VSTM2B: variants seen among roughly 807,000 people sequenced by gnomAD.
VSTM2B encodes the protein V-set and transmembrane domain containing 2B, also known as V-set and transmembrane domain-containing protein 2B.
In VSTM2B, 24 loss-of-function variants were observed where a neutral mutation model predicts 24.0. That is an observed-to-expected ratio of 1.00 (90% CI 0.72 to 1.40). The LOEUF (loss-of-function observed/expected upper bound fraction) is 1.40. Among genes scored for constraint, VSTM2B ranks in the 40% most tolerant of loss-of-function variants. The pLI, the probability that VSTM2B is intolerant of heterozygous loss-of-function variation, is 0.00. For missense variants in VSTM2B, 399 were observed against 416.4 expected (o/e 0.96, Z 0.36); for synonymous variants, 226 against 194.4 (o/e 1.16, Z -1.35).
At chr19:29,548,901 A>G (rs2145497148) in intron 4 of VSTM2B, among the ~76,000 whole-genome samples, 2 of 152,302 alleles carry the variant, frequency 1.3e-5, no homozygotes, top group East Asian at 3.9e-4. Context: ...GCTGAGCAAA[A>G]GGGGCCCAAC....
At chr19:29,530,438 C>A in intron 4 of VSTM2B, 148 bp downstream of exon 4, 1 of 641,046 alleles carries the variant, frequency 1.6e-6, no homozygotes, top group Non-Finnish European at 2.4e-6. Flanking sequence ...CGGGAGCGCC[C>A]CCCCCAGGGC....
At chr19:29,546,227 G>A (rs575577488) in intron 4 of VSTM2B, among the ~76,000 whole-genome samples, 22 of 152,204 alleles carry the variant, frequency 1.4e-4, no homozygotes, top group Non-Finnish European at 2.9e-4. Context: ...AGGAGAGCCT[G>A]GGTGCATGCA....
rs541679650 is a variant in VSTM2B, at chr19:29,546,532, C to T, written c.769+16242C>T. On this transcript the variant is annotated intron_variant, in intron 4 of 4. Transcript: ENST00000335523. ...AAAATTCTCTTGCAGGGGCCGAGTG[C>T]AGCTGCTGGCACTGAGAATTGTGTG... Among the ~76,000 whole-genome samples the T allele has an allele frequency of 2.6e-5, 4 of 152,356 alleles. No individual in the cohort carries two copies. In the East Asian group the frequency reaches 7.7e-4, roughly 29 times the overall value.
intron 4 of VSTM2B, among the ~76,000 whole-genome samples, chr19:29,533,326 G>C (rs1438106837): frequency 1.3e-5 from 2 of 152,164 alleles, no homozygotes; most frequent in Non-Finnish European, 2.9e-5. Context: ...GATCCCAGCG[G>C]GGCTGACAGC....
intron 2 of VSTM2B, among the ~76,000 whole-genome samples, chr19:29,527,950 A>G (rs780128611): frequency 1.3e-5 from 2 of 151,878 alleles, no homozygotes; most frequent in Non-Finnish European, 2.9e-5. Context: ...TCGCGTGCAC[A>G]CACACCTACA....
At position 29,526,780 on chromosome 19, in the gene VSTM2B, C is replaced by A; in HGVS notation, c.82+115C>A. 1 of 1,002,240 alleles carries A rather than the reference C, an allele frequency of 1.0e-6. No homozygotes were observed. The highest frequency in any genetic ancestry group is 1.4e-6 in the Non-Finnish European group (1 of 692,984). 62.1% of individuals were successfully genotyped at this position (1,002,240 alleles called of 1,614,324 possible). ...GAAGCTTCGCGGTCTCCAGCAATCC[C>A]GCTGTGCAGCCTGGGCCCGGAGGGG... is the stretch of plus-strand genomic sequence containing the variant. On this transcript the variant is annotated intron_variant, in intron 1 of 4. Transcript: ENST00000335523. The surrounding 1 kb of genome is among the most constrained non-coding windows in gnomAD (Gnocchi z 4.1).
chr19:29,544,525 C>CAAA lies in VSTM2B; in HGVS notation c.769+14264_769+14266dup, dbSNP rs58540469. On this transcript the variant is annotated intron_variant, in intron 4 of 4. Transcript: ENST00000335523. The stretch of plus-strand genomic sequence containing the variant: ...TGGGCGAAAGAGCGAGACTCTGTCT[C>CAAA]AAAAAAAAAAAAAAAAAAAAAAAAA... 3.2e-3 allele frequency among the ~76,000 whole-genome samples: 174 copies of CAAA among 54,370 alleles called. 16 individuals carry two copies. The highest frequency in any genetic ancestry group is 0.027 in the East Asian group (37 of 1,352). 35.7% of individuals were successfully genotyped at this position (54,370 alleles called of 152,430 possible). A position where few individuals can be genotyped will look rare whatever the true frequency, so the allele number is the denominator to read the frequency against.
Position 29,526,872 on chromosome 19 carries a change from G to T in VSTM2B, c.82+207G>T. ...CCGCGCCCGAGTCGTTCCCAGTCCC[G>T]CCGGGGCCCCGGCTGCGGAAAGGAT... On this transcript the variant is annotated intron_variant, in intron 1 of 4. Coordinates refer to ENST00000335523, the MANE Select transcript of VSTM2B (RefSeq NM_001146339.2). The surrounding 1 kb of genome is among the most constrained non-coding windows in gnomAD (Gnocchi z 4.1). 1 of 502,860 alleles carries T rather than the reference G, an allele frequency of 2.0e-6. No individual in the cohort carries two copies. Among genetic ancestry groups the T allele is most frequent in the Non-Finnish European group, 3.4e-6 (1 of 294,166 alleles). 31.1% of individuals were successfully genotyped at this position (502,860 alleles called of 1,614,324 possible).
At position 29,528,428 on chromosome 19, in the gene VSTM2B, T is replaced by C; in HGVS notation, c.268-5T>C. The C allele has an allele frequency of 6.4e-7, 1 of 1,551,226 alleles. No individual in the cohort carries two copies. Among genetic ancestry groups the C allele is most frequent in the African/African-American group, 1.4e-5 (1 of 73,194 alleles). On this transcript the variant is annotated splice_region_variant and splice_polypyrimidine_tract_variant and intron_variant, in intron 2 of 4. Transcript: ENST00000335523. ...CACGTCTCTCTCTCCCTCTTTGCAT[T>C]TTAGGTAACAAATAAGGATGCAACT...
intron 4 of VSTM2B, among the ~76,000 whole-genome samples, chr19:29,553,325 A>T (rs1274413125): frequency 6.6e-6 from 1 of 152,184 alleles, no homozygotes; most frequent in African/African-American, 2.4e-5. Context: ...TAGGGTCTGG[A>T]GTGGACCCCC....
At chr19:29,558,061 A>G (rs930331589) in intron 4 of VSTM2B, among the ~76,000 whole-genome samples, 14 of 152,166 alleles carry the variant, frequency 9.2e-5, no homozygotes, top group African/African-American at 3.4e-4. Flanking sequence ...TTCTCAAAAG[A>G]AAACATTTAT....
At chr19:29,530,441 C>CT (rs1022895697) in intron 4 of VSTM2B, among the ~76,000 whole-genome samples, 151 bp downstream of exon 4, 4 of 146,022 alleles carry the variant, frequency 2.7e-5, no homozygotes, top group Non-Finnish European at 4.6e-5. Context: ...GAGCGCCCCC[C>CT]CCAGGGCCTT....
intron 4 of VSTM2B, among the ~76,000 whole-genome samples, chr19:29,550,869 C>T (rs1970266319): frequency 6.6e-6 from 1 of 152,138 alleles, no homozygotes; most frequent in African/African-American, 2.4e-5. Flanking sequence ...ACCCCTGACC[C>T]CAGATGCAGC....
At position 29,527,384 on chromosome 19, in the gene VSTM2B, G is replaced by T. The variant is rs769309251; in HGVS notation, c.256G>T (p.Ala86Ser). 2 of 1,537,466 alleles carry T rather than the reference G, an allele frequency of 1.3e-6. No homozygotes were observed. The highest frequency in any genetic ancestry group is 2.5e-5 in the East Asian group (1 of 40,196). ...CGAGCTGGCGCTCAGCGTGCCGGGCGCCCGGAGCAAGGTAACCCGCCGCCC... is the reference window on the plus strand; with the variant it reads ...CGAGCTGGCGCTCAGCGTGCCGGGCTCCCGGAGCAAGGTAACCCGCCGCCC... ...LHELALSVPG[A>S]RSKVTNKDAT... is the part of the protein sequence containing the mutation. Residue 86 changes from alanine to serine, a missense_variant, in exon 2 of 5, where the codon GCC becomes TCC. Ala to Ser is a moderately conservative substitution (Grantham distance 99, BLOSUM62 1). Coordinates refer to ENST00000335523, the MANE Select transcript of VSTM2B (RefSeq NM_001146339.2).
In VSTM2B at chr19:29,526,798, C is replaced by T. The variant is rs1969581186; in HGVS notation, c.82+133C>T. 1 of 843,848 alleles carries T rather than the reference C, an allele frequency of 1.2e-6. No homozygotes were observed. Among genetic ancestry groups the T allele is most frequent in the Non-Finnish European group, 1.8e-6 (1 of 565,914 alleles). 52.3% of individuals were successfully genotyped at this position (843,848 alleles called of 1,614,324 possible). A position where few individuals can be genotyped will look rare whatever the true frequency, so the allele number is the denominator to read the frequency against. On this transcript the variant is annotated intron_variant, in intron 1 of 4. Coordinates refer to ENST00000335523, the MANE Select transcript of VSTM2B (RefSeq NM_001146339.2). This position sits in a 1 kb window ranked among gnomAD's most constrained non-coding sequence, Gnocchi z 4.1. Reference sequence around the variant, plus strand: ...GCAATCCCGCTGTGCAGCCTGGGCCCGGAGGGGTAGGGAGAGGCGAGCGGC... The same window carrying T: ...GCAATCCCGCTGTGCAGCCTGGGCCTGGAGGGGTAGGGAGAGGCGAGCGGC...
intron 4 of VSTM2B, among the ~76,000 whole-genome samples, chr19:29,551,439 C>A (rs578158824): frequency 1.3e-5 from 2 of 150,902 alleles, no homozygotes; most frequent in Non-Finnish European, 2.9e-5. Context: ...TGGGCTGGCA[C>A]CTTTAGTGTG....
At chr19:29,559,054 C>T (rs1033258546) in intron 4 of VSTM2B, among the ~76,000 whole-genome samples, 26 of 152,274 alleles carry the variant, frequency 1.7e-4, no homozygotes, top group Admixed American at 1.6e-3. Flanking sequence ...GACAATGTGG[C>T]TATTCCTCAA....
chr19:29,530,584 C>A (rs895625466), intron 4 of VSTM2B, among the ~76,000 whole-genome samples: 3 of 152,080 alleles, frequency 2.0e-5, no homozygotes, highest in Non-Finnish European at 4.4e-5. Flanking sequence ...GAGGCGACCT[C>A]TTTTGGGTTT....
intron 4 of VSTM2B, among the ~76,000 whole-genome samples, chr19:29,562,954 C>G (rs1438541520): frequency 6.6e-6 from 1 of 152,046 alleles, no homozygotes; most frequent in Non-Finnish European, 1.5e-5. Flanking sequence ...AGACCCCAGC[C>G]CACTCATCTC....
Sources: allele counts gnomAD v4.1 joint callset (sites outside exome capture counted in the v4.1 genomes callset), GRCh38; gene constraint gnomAD v4.1.1; non-coding constraint Gnocchi (gnomAD v3.1); transcripts MANE v1.5; gene names NCBI Gene and HGNC (gene_info 2026-07-23, HGNC 2026-07-21).